Variants in RAPGEF5 observed in about 807,000 individuals in gnomAD.
RAPGEF5 encodes the protein M-Ras-regulated GEF.
In RAPGEF5, 65 loss-of-function variants were observed where a neutral mutation model predicts 125.2. The observed-to-expected ratio is 0.52, with a 90% CI of 0.43 to 0.64. The LOEUF (loss-of-function observed/expected upper bound fraction) is 0.64, where lower values mean the gene tolerates loss of function less well. RAPGEF5 is among the 30% of genes least tolerant of loss of function. The probability of loss-of-function intolerance (pLI) is 0.00; values close to 1 mark genes in which losing one functional copy is unlikely to be tolerated. For synonymous variants in RAPGEF5, 391 were observed against 385.9 expected, an observed-to-expected ratio of 1.01 and a Z score of -0.16; for missense variants, 958 against 1,048.1, an observed-to-expected ratio of 0.91 and a Z score of 1.19.
chr7:22,208,052 T>A (rs1785434838), intron 9 of RAPGEF5, among the ~76,000 whole-genome samples: 2 of 152,176 alleles, frequency 1.3e-5, no homozygotes, highest in South Asian at 4.1e-4. Context: ...CTTTACTGGG[T>A]TTTCCTGTCT....
chr7:22,280,310 C>T (rs193222843), intron 6 of RAPGEF5, among the ~76,000 whole-genome samples: 4 of 152,260 alleles, frequency 2.6e-5, no homozygotes, highest in Non-Finnish European at 2.9e-5. Context: ...CCTCTCAAAC[C>T]GTGGCTGAGC....
At chr7:22,200,604 G>A (rs1785254003) in intron 9 of RAPGEF5, among the ~76,000 whole-genome samples, 1 of 152,120 alleles carries the variant, frequency 6.6e-6, no homozygotes, top group Non-Finnish European at 1.5e-5. Context: ...TCTAGGTAAA[G>A]TCTGACTTTT....
At chr7:22,131,992 A>T (rs948189445) in intron 23 of RAPGEF5, among the ~76,000 whole-genome samples, 6 of 152,228 alleles carry the variant, frequency 3.9e-5, no homozygotes, top group African/African-American at 7.2e-5. Context: ...AAATAAATAT[A>T]CTATAATTTA....
At chr7:22,261,583 G>A (rs550959287) in intron 7 of RAPGEF5, among the ~76,000 whole-genome samples, 30 of 152,242 alleles carry the variant, frequency 2.0e-4, no homozygotes, top group African/African-American at 6.5e-4. Flanking sequence ...CTGTGACTGC[G>A]CCACTGCACT....
intron 6 of RAPGEF5, among the ~76,000 whole-genome samples, chr7:22,271,032 T>C (rs1782403870): frequency 6.6e-6 from 1 of 152,218 alleles, no homozygotes; most frequent in Non-Finnish European, 1.5e-5. Context: ...CCCTCCCTCA[T>C]CTTTTTCTCA....
intron 1 of RAPGEF5, among the ~76,000 whole-genome samples, chr7:22,352,248 G>C (rs572326848): frequency 6.6e-6 from 1 of 152,166 alleles, no homozygotes; most frequent in African/African-American, 2.4e-5. Context: ...GGGAATAGCT[G>C]TTATCAGTTC....
intron 1 of RAPGEF5, among the ~76,000 whole-genome samples, chr7:22,330,776 T>C (rs1311846224): frequency 1.3e-5 from 2 of 152,212 alleles, no homozygotes; most frequent in Non-Finnish European, 2.9e-5. Flanking sequence ...AGGAGTGTGA[T>C]ATATGCAATG....
chr7:22,150,422 G>A lies in RAPGEF5; in HGVS notation c.1869C>T (p.Asp623=), dbSNP rs1783587883. ...ASGRIYVYRK[D]LADTLNPFAE... ...AGGTCCTTACCAAAGTGTCCGCCAG[G>A]TCTTTCCGGTAGACATATATTCGAC... Residue 623 remains aspartate (D), a synonymous_variant, in exon 18 of 26, where the codon GAC becomes GAT. Coordinates refer to ENST00000665637, the MANE Select transcript of RAPGEF5 (RefSeq NM_012294.5). 2 of 1,607,952 alleles carry A rather than the reference G, an allele frequency of 1.2e-6. No individual in the cohort carries two copies. Among genetic ancestry groups the A allele is most frequent in the Non-Finnish European group, 8.5e-7 (1 of 1,177,572 alleles).
intron 6 of RAPGEF5, among the ~76,000 whole-genome samples, chr7:22,281,184 C>T (rs558952857): frequency 1.3e-5 from 2 of 152,218 alleles, no homozygotes; most frequent in South Asian, 4.1e-4. Flanking sequence ...TATTCTTATC[C>T]GTAATACAAG....
intron 9 of RAPGEF5, among the ~76,000 whole-genome samples, chr7:22,218,161 T>A (rs1785686448): frequency 6.6e-6 from 1 of 152,142 alleles, no homozygotes; most frequent in Non-Finnish European, 1.5e-5. Flanking sequence ...AGTGTAGATT[T>A]CTATAGTTAC....
intron 9 of RAPGEF5, among the ~76,000 whole-genome samples, chr7:22,202,254 C>T (rs1785294880): frequency 6.6e-6 from 1 of 152,138 alleles, no homozygotes; most frequent in African/African-American, 2.4e-5. Context: ...ATTCTGACTC[C>T]AGGGTCTTTG....
chr7:22,347,003 T>C lies in RAPGEF5; in HGVS notation c.231+9827A>G, dbSNP rs892492430. On this transcript the variant is annotated intron_variant, in intron 1 of 25. Transcript: ENST00000665637. ...ATCTAATGTCATTTAGTTATATTCA[T>C]GGTTCTCAGTTTTAGGAAATTTATA... 9.2e-5 allele frequency among the ~76,000 whole-genome samples: 14 copies of C among 152,306 alleles called. 1 individual carries two copies. The South Asian group carries it at 1.2e-3, about 14-fold the overall frequency.
In RAPGEF5 at chr7:22,147,066, T is replaced by C. The variant is rs377445254; in HGVS notation, c.1885-47A>G. ...GATCCTCAGTAATTCCCAAATGTTT[T>C]GCACTGCATTGGCTGGCTGTAGAAA... On this transcript the variant is annotated intron_variant, in intron 18 of 25. Coordinates refer to ENST00000665637, the MANE Select transcript of RAPGEF5 (RefSeq NM_012294.5). 11 of 1,599,300 alleles carry C rather than the reference T, an allele frequency of 6.9e-6. No homozygotes were observed. In the African/African-American group the frequency reaches 1.2e-4, roughly 18 times the overall value.
At chr7:22,230,349 G>A (rs527694025) in intron 8 of RAPGEF5, among the ~76,000 whole-genome samples, 1 of 152,372 alleles carries the variant, frequency 6.6e-6, no homozygotes, top group South Asian at 2.1e-4. Flanking sequence ...GGCGAAGTGA[G>A]ATGAGTCAAC....
At chr7:22,333,365 A>G (rs1305420258) in intron 1 of RAPGEF5, among the ~76,000 whole-genome samples, 1 of 152,102 alleles carries the variant, frequency 6.6e-6, no homozygotes, top group African/African-American at 2.4e-5. Context: ...CTTAGTCATT[A>G]ATGTTTTTTT....
chr7:22,160,749 A>G (rs1324500408), intron 13 of RAPGEF5, 134 bp from the exon 14 acceptor site: 35 of 1,068,058 alleles, frequency 3.3e-5, no homozygotes, highest in Non-Finnish European at 4.2e-5. Context: ...CCAGGTGCCA[A>G]TGAGATCCAG....
chr7:22,205,884 C>A (rs912688217), intron 9 of RAPGEF5, among the ~76,000 whole-genome samples: 4 of 152,216 alleles, frequency 2.6e-5, no homozygotes, highest in Non-Finnish European at 5.9e-5. Flanking sequence ...TGTCCTGTAT[C>A]AACACCATTT....
chr7:22,356,343 T>G, intron 1 of RAPGEF5: 1 of 821,568 alleles, frequency 1.2e-6, no homozygotes, highest in Non-Finnish European at 1.5e-6. Flanking sequence ...CTCCTGGGTC[T>G]GCCCCTCGGC....
intron 11 of RAPGEF5, among the ~76,000 whole-genome samples, chr7:22,188,087 C>T (rs138812385): frequency 7.9e-5 from 12 of 152,282 alleles, no homozygotes; most frequent in African/African-American, 2.6e-4. Flanking sequence ...ATGTCATGTG[C>T]ATATCAATTG....
Sources: allele counts gnomAD v4.1 joint callset (sites outside exome capture counted in the v4.1 genomes callset), GRCh38; gene constraint gnomAD v4.1.1; transcripts MANE v1.5; gene names NCBI Gene and HGNC (gene_info 2026-07-23, HGNC 2026-07-21).